Variants in CSNK1G1 observed in about 807,000 individuals in gnomAD.
CSNK1G1 encodes casein kinase I isoform gamma-1.
A neutral mutation model predicts 59.6 loss-of-function variants in CSNK1G1; 22 were observed. That is an observed-to-expected ratio of 0.37 (90% CI 0.26 to 0.53). The LOEUF (loss-of-function observed/expected upper bound fraction) is 0.53. CSNK1G1 is among the 20% of genes least tolerant of loss of function. The probability of loss-of-function intolerance (pLI) is 0.89; values close to 1 mark genes in which losing one functional copy is unlikely to be tolerated. For missense variants in CSNK1G1, 384 were observed against 519.5 expected (o/e 0.74, Z 2.54); for synonymous variants, 179 against 177.1 (o/e 1.01, Z -0.08).
At chr15:64,234,545 G>A (rs2082589963) in intron 4 of CSNK1G1, among the ~76,000 whole-genome samples, 7 of 152,090 alleles carry the variant, frequency 4.6e-5, no homozygotes, top group Admixed American at 3.3e-4. Flanking sequence ...GAAAGGTGTA[G>A]TTCTGTTTCT....
At chr15:64,351,093 C>A (rs982450868) in intron 1 of CSNK1G1, among the ~76,000 whole-genome samples, 29 of 152,082 alleles carry the variant, frequency 1.9e-4, no homozygotes, top group African/African-American at 5.8e-4. Context: ...ATCTATGACA[C>A]CAGCCTTTTT....
At chr15:64,273,819 G>A (rs780491112) in intron 2 of CSNK1G1, among the ~76,000 whole-genome samples, 2 of 151,958 alleles carry the variant, frequency 1.3e-5, no homozygotes, top group East Asian at 1.9e-4. Flanking sequence ...TGGGCCACAC[G>A]TGGCCCACAG....
chr15:64,248,135 A>G (rs1891854674), intron 4 of CSNK1G1, among the ~76,000 whole-genome samples: 1 of 152,212 alleles, frequency 6.6e-6, no homozygotes, highest in African/African-American at 2.4e-5. Context: ...TAATCAAAAG[A>G]GTGGCATATG....
At chr15:64,241,929 AAAAG>A (rs1891486181) in intron 4 of CSNK1G1, among the ~76,000 whole-genome samples, 1 of 151,920 alleles carries the variant, frequency 6.6e-6, no homozygotes, top group Non-Finnish European at 1.5e-5. Flanking sequence ...TTTTTAAAAA[AAAAG>A]ATAGACAAAA....
chr15:64,214,092 GTTCT>G lies in CSNK1G1; in HGVS notation c.473_476del (p.Lys158ThrfsTer13), dbSNP rs1285859588. On this transcript the variant is annotated frameshift_variant, in exon 6 of 12. Transcript: ENST00000303052. LOFTEE classifies it high-confidence loss of function. The surrounding 1 kb of genome is among the most constrained non-coding windows in gnomAD (Gnocchi z 4.3). The stretch of plus-strand genomic sequence containing the variant: ...CTGGCTTGACATCTCGGTAAATGAG[GTTCT>G]TTGAGTGCACGTATTCCATTCGAGA... 3 of 1,613,946 alleles carry G rather than the reference GTTCT, an allele frequency of 1.9e-6. No homozygotes were observed. The highest frequency in any genetic ancestry group is 1.7e-5 in the Admixed American group (1 of 60,006).
intron 4 of CSNK1G1, among the ~76,000 whole-genome samples, chr15:64,247,467 A>G (rs1334977845): frequency 1.3e-5 from 2 of 152,208 alleles, no homozygotes; most frequent in African/African-American, 4.8e-5. Flanking sequence ...GGAGATATCA[A>G]TTCTTAAGCA....
intron 1 of CSNK1G1, among the ~76,000 whole-genome samples, chr15:64,344,640 G>A (rs939283741): frequency 1.3e-5 from 2 of 152,008 alleles, no homozygotes; most frequent in Non-Finnish European, 2.9e-5. Flanking sequence ...TAAACCTCCT[G>A]GAAAATTTAC....
chr15:64,351,550 C>A (rs1898285988), intron 1 of CSNK1G1, among the ~76,000 whole-genome samples: 1 of 152,186 alleles, frequency 6.6e-6, no homozygotes, highest in African/African-American at 2.4e-5. Flanking sequence ...ATTTTTTACT[C>A]TAGCAGCTAG....
At position 64,207,560 on chromosome 15, in the gene CSNK1G1, G is replaced by C; in HGVS notation, c.714C>G (p.Gly238=). Residue 238 remains glycine, a synonymous_variant, in exon 7 of 12, where the codon GGC becomes GGG. Coordinates refer to ENST00000303052, the MANE Select transcript of CSNK1G1 (RefSeq NM_022048.5). ...CTCGAAGGAAATACATGAACATATG[G>C]CCTAGGGCTTCCAAATCATCTCTCC... is the stretch of plus-strand genomic sequence containing the variant. ...QSRRDDLEAL[G]HMFMYFLRGS... is the part of the protein sequence containing the mutation. 6.2e-7 allele frequency: 1 copy of C among 1,613,994 alleles called. No homozygotes were observed. Among genetic ancestry groups the C allele is most frequent in the Non-Finnish European group, 8.5e-7 (1 of 1,179,924 alleles).
chr15:64,337,835 C>T (rs1255980824), intron 1 of CSNK1G1, among the ~76,000 whole-genome samples: 1 of 152,134 alleles, frequency 6.6e-6, no homozygotes, highest in Non-Finnish European at 1.5e-5. Context: ...CCCCTGATAA[C>T]CTCTATTCTA....
At chr15:64,228,568 G>A (rs984649051) in intron 4 of CSNK1G1, among the ~76,000 whole-genome samples, 8 of 152,070 alleles carry the variant, frequency 5.3e-5, no homozygotes, top group Non-Finnish European at 7.4e-5. Flanking sequence ...CCCCAGAGGC[G>A]GAGGTTGCAG....
chr15:64,208,191 T>G (rs991376969), intron 6 of CSNK1G1, among the ~76,000 whole-genome samples: 2 of 152,188 alleles, frequency 1.3e-5, no homozygotes, highest in Admixed American at 1.3e-4. Context: ...ATTTTAGAAT[T>G]TATTACTAAG....
chr15:64,220,462 A>G (rs1013965965), intron 4 of CSNK1G1, among the ~76,000 whole-genome samples: 12 of 151,804 alleles, frequency 7.9e-5, no homozygotes, highest in Non-Finnish European at 1.6e-4. Flanking sequence ...GACAATTAGG[A>G]AAGACCAATG....
intron 1 of CSNK1G1, among the ~76,000 whole-genome samples, chr15:64,341,811 TACTC>T (rs776362023): frequency 6.6e-6 from 1 of 152,136 alleles, no homozygotes; most frequent in Non-Finnish European, 1.5e-5. Context: ...GGGCATGACT[TACTC>T]ACAGACTATC....
intron 1 of CSNK1G1, among the ~76,000 whole-genome samples, chr15:64,352,029 G>A (rs757328270): frequency 4.6e-5 from 7 of 152,082 alleles, no homozygotes; most frequent in South Asian, 2.1e-4. Flanking sequence ...ACAGCAGGCC[G>A]GGCAGGGCAG....
chr15:64,276,634 C>A (rs1180776212), intron 2 of CSNK1G1, among the ~76,000 whole-genome samples: 1 of 152,046 alleles, frequency 6.6e-6, no homozygotes, highest in African/African-American at 2.4e-5. Flanking sequence ...AAAAAAGGTA[C>A]AACAGTCCTT....
In CSNK1G1 at chr15:64,167,015, G is replaced by A. The variant is rs902140363; in HGVS notation, c.*4916C>T. 1 of 152,166 alleles carries A rather than the reference G, an allele frequency of 6.6e-6. No individual in the cohort carries two copies. The highest frequency in any genetic ancestry group is 1.5e-5 in the Non-Finnish European group (1 of 68,028). The allele number at this position is 152,166 out of a possible 1,614,324, so 9.4% of individuals were successfully genotyped here. A position where few individuals can be genotyped will look rare whatever the true frequency, so the allele number is the denominator to read the frequency against. On this transcript the variant is annotated 3_prime_UTR_variant, in exon 12 of 12. Transcript: ENST00000303052. ...GTGTTCACTTTTTCCCTTGAAAGGT[G>A]ATTTACAAATACCGGAAGTGGGTTT...
intron 10 of CSNK1G1, among the ~76,000 whole-genome samples, chr15:64,194,683 ATTTTGTATTT>A (rs1287499062): frequency 6.6e-6 from 1 of 151,642 alleles, no homozygotes; most frequent in African/African-American, 2.4e-5. Context: ...TGCCCAGCTA[ATTTTGTATTT>A]TTAGTAGAGA....
intron 1 of CSNK1G1, among the ~76,000 whole-genome samples, chr15:64,348,672 A>C (rs1898108007): frequency 1.3e-5 from 2 of 152,194 alleles, no homozygotes; most frequent in African/African-American, 4.8e-5. Flanking sequence ...GAAATGGAAA[A>C]GAATTCCAGC....
Sources: allele counts gnomAD v4.1 joint callset (sites outside exome capture counted in the v4.1 genomes callset), GRCh38; gene constraint gnomAD v4.1.1; non-coding constraint Gnocchi (gnomAD v3.1); transcripts MANE v1.5; gene names NCBI Gene and HGNC (gene_info 2026-07-23, HGNC 2026-07-21).